Variants in MAP2K1 observed in about 807,000 individuals in gnomAD.
MAP2K1 encodes dual specificity mitogen-activated protein kinase kinase 1.
A neutral mutation model predicts 46.3 loss-of-function variants in MAP2K1; 16 were observed. The ratio of observed to expected loss-of-function variants is 0.35; its 90% CI spans 0.23 to 0.52. MAP2K1 has a LOEUF of 0.52. MAP2K1 is among the 20% of genes least tolerant of loss of function. The pLI is 0.94. For synonymous variants in MAP2K1, 183 were observed against 185.6 expected (o/e 0.99, Z 0.11); for missense variants, 263 against 497.1 (o/e 0.53, Z 4.48).
intron 1 of MAP2K1, among the ~76,000 whole-genome samples, chr15:66,401,663 G>C (rs778232350): frequency 6.6e-6 from 1 of 152,180 alleles, no homozygotes; most frequent in Non-Finnish European, 1.5e-5. Context: ...AGTAAGAAAA[G>C]TGCCACAGAA....
At chr15:66,411,283 T>A (rs1335246377) in intron 1 of MAP2K1, among the ~76,000 whole-genome samples, 1 of 152,118 alleles carries the variant, frequency 6.6e-6, no homozygotes, top group Non-Finnish European at 1.5e-5. Flanking sequence ...TGTAAATGAC[T>A]ATGGTAGGTA....
chr15:66,453,542 C>T, intron 5 of MAP2K1: 1 of 702,326 alleles, frequency 1.4e-6, no homozygotes, highest in Non-Finnish European at 2.6e-6. Context: ...GCAAGCAGCA[C>T]AGTGAGTAGG....
chr15:66,399,676 A>G (rs2093376909), intron 1 of MAP2K1, among the ~76,000 whole-genome samples: 1 of 152,162 alleles, frequency 6.6e-6, no homozygotes, highest in African/African-American at 2.4e-5. Context: ...ATGTCACTGC[A>G]GCCTCCACCT....
chr15:66,423,669 G>A (rs183036181), intron 1 of MAP2K1, among the ~76,000 whole-genome samples: 12 of 144,028 alleles, frequency 8.3e-5, no homozygotes, highest in South Asian at 4.4e-4. Flanking sequence ...GTGCAATGGC[G>A]CAATCTCGGC....
intron 5 of MAP2K1, among the ~76,000 whole-genome samples, chr15:66,453,929 G>A (rs1488033496): frequency 2.0e-5 from 3 of 152,162 alleles, no homozygotes; most frequent in Non-Finnish European, 4.4e-5. Context: ...CTCCTGAAGT[G>A]CTGAGACTAC....
intron 1 of MAP2K1, among the ~76,000 whole-genome samples, chr15:66,396,995 C>CTTTTTTTTTTT (rs57043037): frequency 2.5e-5 from 1 of 39,246 alleles, no homozygotes; most frequent in African/African-American, 1.0e-4. Flanking sequence ...TGTAACGCTT[C>CTTTTTTTTTTT]TTTTTTTTTT....
chr15:66,444,263 G>A (rs1476256654), intron 4 of MAP2K1, among the ~76,000 whole-genome samples: 2 of 150,998 alleles, frequency 1.3e-5, no homozygotes, highest in African/African-American at 4.9e-5. Context: ...CCCAGGCACG[G>A]TGGCTTACAC....
chr15:66,462,476 G>A (rs555101834), intron 5 of MAP2K1, among the ~76,000 whole-genome samples: 4 of 128,040 alleles, frequency 3.1e-5, no homozygotes, highest in African/African-American at 6.6e-5. Flanking sequence ...CACCCTGGGC[G>A]ACAGAGCAAG....
rs2093381712 is a variant in MAP2K1 at position 66,401,562 on chromosome 15, CATT to C, written c.80+14138_80+14140del. Among the ~76,000 whole-genome samples the C allele has an allele frequency of 1.3e-5, 2 of 152,106 alleles. 1 individual carries two copies. The highest frequency in any genetic ancestry group is 4.1e-4 in the South Asian group (2 of 4,820). ...CAGGTAGGTGACTCAAGATGAGTAA[CATT>C]ATCTCAGCCTTCAAGGATCTTAAAA... On this transcript the variant is annotated intron_variant, in intron 1 of 10. Coordinates refer to ENST00000307102, the MANE Select transcript of MAP2K1 (RefSeq NM_002755.4).
intron 5 of MAP2K1, among the ~76,000 whole-genome samples, chr15:66,478,240 A>T (rs987529932): frequency 1.4e-5 from 2 of 146,090 alleles, no homozygotes; most frequent in African/African-American, 5.1e-5. Flanking sequence ...GGGTTTTATT[A>T]TATATATATA....
intron 5 of MAP2K1, chr15:66,446,704 A>G: frequency 2.7e-6 from 1 of 376,434 alleles, no homozygotes; most frequent in South Asian, 2.3e-5. Flanking sequence ...AATTTTAGGA[A>G]GAACTGCCTG....
intron 7 of MAP2K1, 64 bp from the exon 8 acceptor site, chr15:66,487,164 C>G (rs904490660): frequency 1.4e-6 from 2 of 1,410,648 alleles, no homozygotes; most frequent in Admixed American, 3.4e-5. Flanking sequence ...TGCCCAACCC[C>G]TTGCCTCATA....
chr15:66,477,854 C>G (rs1200981798), intron 5 of MAP2K1, among the ~76,000 whole-genome samples: 1 of 152,138 alleles, frequency 6.6e-6, no homozygotes, highest in Non-Finnish European at 1.5e-5. Context: ...ACACCCCTTA[C>G]CCTTCTCAGT....
chr15:66,474,902 C>CA (rs34111868), intron 5 of MAP2K1, among the ~76,000 whole-genome samples: 10,549 of 140,450 alleles, frequency 0.075, 419 homozygotes, highest in Middle Eastern at 0.098. Flanking sequence ...AGACTTGTCT[C>CA]AAAAAAAAAA....
At position 66,443,373 on chromosome 15, in the gene MAP2K1, A is replaced by G. The variant is rs1001637882; in HGVS notation, c.516+16A>G. On this transcript the variant is annotated intron_variant, in intron 4 of 10. Coordinates refer to ENST00000307102, the MANE Select transcript of MAP2K1 (RefSeq NM_002755.4). ...TAGCATTGCTGTGAGTATGTTATGAAGTTTTTCTTCTAAGTTCCTCATTGA... is the reference window on the plus strand; with the variant it reads ...TAGCATTGCTGTGAGTATGTTATGAGGTTTTTCTTCTAAGTTCCTCATTGA... 6 of 1,517,566 alleles carry G rather than the reference A, an allele frequency of 4.0e-6. No individual in the cohort carries two copies. Among genetic ancestry groups the G allele is most frequent in the Admixed American group, 1.7e-5 (1 of 59,864 alleles). 94.0% of individuals were successfully genotyped at this position (1,517,566 alleles called of 1,614,324 possible).
intron 6 of MAP2K1, among the ~76,000 whole-genome samples, chr15:66,482,602 G>A (rs927697661): frequency 6.6e-6 from 1 of 152,174 alleles, no homozygotes; most frequent in Non-Finnish European, 1.5e-5. Context: ...CAGCACCAGC[G>A]TGTTTTCTTC....
intron 1 of MAP2K1, among the ~76,000 whole-genome samples, chr15:66,400,106 C>T (rs1456186408): frequency 2.6e-5 from 4 of 151,906 alleles, no homozygotes; most frequent in Non-Finnish European, 5.9e-5. Context: ...ATTGCTGATT[C>T]GATATATCAT....
chr15:66,429,643 C>T (rs1156414975), intron 1 of MAP2K1, among the ~76,000 whole-genome samples: 1 of 149,550 alleles, frequency 6.7e-6, no homozygotes, highest in Non-Finnish European at 1.5e-5. Flanking sequence ...CTGTCCCTTG[C>T]CACTGGGTCT....
At chr15:66,490,034 T>C in intron 10 of MAP2K1, 4 of 575,076 alleles carry the variant, frequency 7.0e-6, no homozygotes, top group Admixed American at 3.0e-5. Context: ...ACCCCCTTCA[T>C]GGGGATGCGG....
Sources: allele counts gnomAD v4.1 joint callset (sites outside exome capture counted in the v4.1 genomes callset), GRCh38; gene constraint gnomAD v4.1.1; transcripts MANE v1.5; gene names NCBI Gene and HGNC (gene_info 2026-07-23, HGNC 2026-07-21).